KIAA1217: variants seen among roughly 807,000 people sequenced by gnomAD.
KIAA1217 encodes KIAA1217.
KIAA1217 carries 88 observed loss-of-function variants against 163.9 expected under a neutral mutation model. That is an observed-to-expected ratio of 0.54 (90% CI 0.45 to 0.64). The LOEUF (loss-of-function observed/expected upper bound fraction) is 0.64, where lower values mean the gene tolerates loss of function less well. Among genes scored for constraint, KIAA1217 ranks in the 30% least tolerant of loss-of-function variants. KIAA1217 has a pLI of 0.00. For missense variants in KIAA1217, 2,372 were observed against 2,475.0 expected (o/e 0.96, Z 0.88); for synonymous variants, 903 against 923.1 (o/e 0.98, Z 0.39).
chr10:24,413,591 C>A (rs1237428165), intron 3 of KIAA1217, among the ~76,000 whole-genome samples: 5 of 152,204 alleles, frequency 3.3e-5, no homozygotes, highest in Non-Finnish European at 7.3e-5. Flanking sequence ...ACCATGTGAT[C>A]ACCTACCACC....
intron 1 of KIAA1217, among the ~76,000 whole-genome samples, chr10:23,884,414 AGGATGTTGC>A (rs914806691): frequency 6.6e-6 from 1 of 151,970 alleles, no homozygotes; most frequent in Non-Finnish European, 1.5e-5. Flanking sequence ...AAAGCTTGAA[AGGATGTTGC>A]GGATGTCCAG....
chr10:24,295,558 AGT>A (rs2040493010), intron 2 of KIAA1217, among the ~76,000 whole-genome samples: 1 of 152,100 alleles, frequency 6.6e-6, no homozygotes, highest in African/African-American at 2.4e-5. Context: ...CATAAAGCTC[AGT>A]TCTAGACTTC....
intron 2 of KIAA1217, among the ~76,000 whole-genome samples, chr10:24,127,776 G>C (rs1278327987): frequency 6.6e-6 from 1 of 152,140 alleles, no homozygotes; most frequent in Non-Finnish European, 1.5e-5. Context: ...AAGAATGTAA[G>C]TTATCGAATA....
At chr10:24,212,653 G>C (rs565472389) in intron 1 of KIAA1217, among the ~76,000 whole-genome samples, 1 of 152,130 alleles carries the variant, frequency 6.6e-6, no homozygotes, top group Non-Finnish European at 1.5e-5. Context: ...TAGTTCTCCC[G>C]GTGAGCACGA....
Position 24,335,659 on chromosome 10 carries a change from G to A in KIAA1217, c.355-45210G>A, listed in dbSNP as rs907693727. 1.3e-5 allele frequency among the ~76,000 whole-genome samples: 2 copies of A among 149,412 alleles called. 1 individual carries two copies. Among genetic ancestry groups the A allele is most frequent in the African/African-American group, 5.0e-5 (2 of 40,290 alleles). The stretch of plus-strand genomic sequence containing the variant: ...GAGTCTCGTTCTGTCGCCCAGGCTG[G>A]AGTGCAGTGGCAAGATCATAGCTCA... On this transcript the variant is annotated intron_variant, in intron 2 of 20. Coordinates refer to ENST00000376454, the MANE Select transcript of KIAA1217 (RefSeq NM_019590.5).
intron 1 of KIAA1217, among the ~76,000 whole-genome samples, chr10:23,760,729 T>G (rs1046038496): frequency 2.6e-5 from 4 of 152,038 alleles, no homozygotes; most frequent in Non-Finnish European, 5.9e-5. Flanking sequence ...TTGCTTGAGC[T>G]CAGGAGTTTG....
chr10:24,155,960 C>G (rs1250043250), intron 2 of KIAA1217, among the ~76,000 whole-genome samples: 1 of 152,126 alleles, frequency 6.6e-6, no homozygotes, highest in Non-Finnish European at 1.5e-5. Flanking sequence ...ATTCCCTTGA[C>G]AAGAAGTTGT....
intron 1 of KIAA1217, among the ~76,000 whole-genome samples, chr10:23,895,295 G>GA (rs1273647534): frequency 6.6e-6 from 1 of 151,822 alleles, no homozygotes; most frequent in South Asian, 2.1e-4. Context: ...AAATTTACAA[G>GA]AAAAAAACAA....
intron 2 of KIAA1217, among the ~76,000 whole-genome samples, chr10:24,239,683 GTGTGTGTGTGTGTT>G (rs1235322999): frequency 7.2e-6 from 1 of 138,002 alleles, no homozygotes; most frequent in African/African-American, 2.7e-5. Context: ...ATGTGTGTGT[GTGTGTGTGTGTGTT>G]TGTGTGTGTG....
intron 6 of KIAA1217, among the ~76,000 whole-genome samples, chr10:24,489,121 T>C (rs2065775218): frequency 6.6e-6 from 1 of 152,020 alleles, no homozygotes; most frequent in African/African-American, 2.4e-5. Flanking sequence ...AACCACCTAG[T>C]AGGGACTCTC....
At chr10:23,862,377 G>A (rs181800624) in intron 1 of KIAA1217, among the ~76,000 whole-genome samples, 117 of 152,236 alleles carry the variant, frequency 7.7e-4, no homozygotes, top group African/African-American at 2.7e-3. Flanking sequence ...AAATTAGGCA[G>A]AGAGAGAGGG....
intron 1 of KIAA1217, among the ~76,000 whole-genome samples, chr10:23,953,677 C>G (rs1351357367): frequency 6.6e-6 from 1 of 152,222 alleles, no homozygotes; most frequent in South Asian, 2.1e-4. Context: ...GTAGTTTCTA[C>G]TTTATATGGC....
At chr10:24,086,692 T>TG (rs2061709600) in intron 2 of KIAA1217, among the ~76,000 whole-genome samples, 1 of 152,138 alleles carries the variant, frequency 6.6e-6, no homozygotes, top group South Asian at 2.1e-4. Context: ...GAGAGAATAA[T>TG]GGAGAAATGC....
chr10:23,759,627 G>A (rs1043003542), intron 1 of KIAA1217, among the ~76,000 whole-genome samples: 3 of 152,170 alleles, frequency 2.0e-5, no homozygotes. Context: ...TGATTTCAGG[G>A]TAAGTAGCTT....
intron 1 of KIAA1217, among the ~76,000 whole-genome samples, chr10:23,792,667 TA>T (rs1836010422): frequency 6.8e-6 from 1 of 146,502 alleles, no homozygotes; most frequent in Non-Finnish European, 1.5e-5. Flanking sequence ...TAATTTTTTG[TA>T]TTTTTTTTTT....
intron 2 of KIAA1217, among the ~76,000 whole-genome samples, chr10:24,083,684 C>A (rs746467005): frequency 2.6e-5 from 4 of 151,898 alleles, no homozygotes; most frequent in Non-Finnish European, 5.9e-5. Context: ...ATTATGGTGG[C>A]CTAATAGGTG....
At chr10:23,757,668 C>A (rs929387339) in intron 1 of KIAA1217, among the ~76,000 whole-genome samples, 1 of 152,058 alleles carries the variant, frequency 6.6e-6, no homozygotes, top group South Asian at 2.1e-4. Context: ...CAGGTGCATG[C>A]CACCACACCT....
intron 5 of KIAA1217, among the ~76,000 whole-genome samples, chr10:24,448,627 A>G (rs1322376019): frequency 6.6e-6 from 1 of 152,104 alleles, no homozygotes; most frequent in Non-Finnish European, 1.5e-5. Context: ...GGCTCCAGGG[A>G]TCCTCCCTCC....
chr10:23,906,677 G>T (rs898121270), intron 1 of KIAA1217, among the ~76,000 whole-genome samples: 5 of 152,110 alleles, frequency 3.3e-5, no homozygotes, highest in Non-Finnish European at 5.9e-5. Flanking sequence ...TTGGTGTGGG[G>T]TAAGGAGCCT....
Sources: allele counts gnomAD v4.1 joint callset (sites outside exome capture counted in the v4.1 genomes callset), GRCh38; gene constraint gnomAD v4.1.1; transcripts MANE v1.5; gene names NCBI Gene and HGNC (gene_info 2026-07-23, HGNC 2026-07-21).